UBA3: variants seen among roughly 807,000 people sequenced by gnomAD.
The protein encoded by UBA3 is ubiquitin like modifier activating enzyme 3.
In UBA3, 26 loss-of-function variants were observed where a neutral mutation model predicts 73.5. The observed-to-expected ratio is 0.35, with a 90% CI of 0.26 to 0.49. The LOEUF is 0.49. UBA3 is among the 20% of genes least tolerant of loss of function. The pLI is 0.98. For synonymous variants in UBA3, 217 were observed against 191.2 expected (o/e 1.13, Z -1.11); for missense variants, 495 against 555.6 (o/e 0.89, Z 1.10).
In UBA3 at chr3:69,080,344, C is replaced by T. The variant is rs1219529442; in HGVS notation, c.10G>A (p.Gly4Ser). The T allele has an allele frequency of 3.1e-6, 5 of 1,597,046 alleles. No homozygotes were observed. The Admixed American group carries it at 5.1e-5, about 16-fold the overall frequency. ...AGCCCCGGTACTTACGGCTCCTCGC[C>T]ATCCGCCATATTGTTCTCCGCCTCT... MAD[G>S]EEPEKKRRRI... is the part of the protein sequence containing the mutation. The change falls in exon 1 of 18, where the codon GGC (glycine) becomes AGC (serine). Residue 4 changes from glycine to serine, a missense_variant. Coordinates refer to ENST00000361055, the MANE Select transcript of UBA3 (RefSeq NM_003968.4).
At chr3:69,059,509 A>G (rs565145367) in intron 11 of UBA3, among the ~76,000 whole-genome samples, 10 of 152,314 alleles carry the variant, frequency 6.6e-5, no homozygotes, top group Admixed American at 2.0e-4. Context: ...AAACTGGTTA[A>G]GCAGACACCT....
At position 69,055,410 on chromosome 3, in the gene UBA3, G is replaced by T; in HGVS notation, c.*27C>A. On this transcript the variant is annotated 3_prime_UTR_variant, in exon 18 of 18. Transcript: ENST00000361055. ...CATCCACAAAGTATATTATTTCCAT[G>T]AGTTTTCTATTATGTGGAGATTTTC... is the stretch of plus-strand genomic sequence containing the variant. 1 of 1,380,058 alleles carries T rather than the reference G, an allele frequency of 7.2e-7. No homozygotes were observed. The highest frequency in any genetic ancestry group is 9.7e-7 in the Non-Finnish European group (1 of 1,034,498). The allele number at this position is 1,380,058 out of a possible 1,614,324, so 85.5% of individuals were successfully genotyped here.
At chr3:69,074,050 T>C (rs2092144288) in intron 4 of UBA3, among the ~76,000 whole-genome samples, 1 of 152,200 alleles carries the variant, frequency 6.6e-6, no homozygotes, top group South Asian at 2.1e-4. Flanking sequence ...TTCTTTTGTG[T>C]AAAAGATTAC....
chr3:69,078,902 A>C (rs1365760079), intron 2 of UBA3, among the ~76,000 whole-genome samples: 2 of 152,230 alleles, frequency 1.3e-5, no homozygotes, highest in East Asian at 3.8e-4. Context: ...ACAACAGAAT[A>C]AGGTGGGACT....
chr3:69,063,607 A>C, intron 7 of UBA3, 104 bp from the exon 8 acceptor site: 2 of 945,094 alleles, frequency 2.1e-6, no homozygotes, highest in South Asian at 3.8e-5. Context: ...CTCTGGTGCA[A>C]GATGTTGATT....
intron 2 of UBA3, 97 bp from the exon 3 acceptor site, chr3:69,078,015 C>G: frequency 7.2e-7 from 1 of 1,396,808 alleles, no homozygotes; most frequent in East Asian, 2.5e-5. Flanking sequence ...GTAACCACAC[C>G]AGACCTGCTC....
At chr3:69,071,946 T>C (rs1183610709) in intron 4 of UBA3, among the ~76,000 whole-genome samples, 1 of 152,228 alleles carries the variant, frequency 6.6e-6, no homozygotes, top group Non-Finnish European at 1.5e-5. Flanking sequence ...GATACTTTAA[T>C]TTTACTATGC....
intron 1 of UBA3, 45 bp downstream of exon 1, chr3:69,080,288 CA>C (rs2092208568): frequency 6.2e-7 from 1 of 1,601,320 alleles, no homozygotes; most frequent in East Asian, 2.3e-5. Context: ...CGCGCTCTCT[CA>C]CAACCCAGCC....
chr3:69,072,162 G>C (rs1168055089), intron 4 of UBA3, among the ~76,000 whole-genome samples: 1 of 151,986 alleles, frequency 6.6e-6, no homozygotes, highest in Non-Finnish European at 1.5e-5. Context: ...AGCAGGGAAA[G>C]GCAAAAAACA....
intron 13 of UBA3, 37 bp downstream of exon 13, chr3:69,056,742 A>G: frequency 6.2e-7 from 1 of 1,610,452 alleles, no homozygotes; most frequent in Non-Finnish European, 8.5e-7. Context: ...AAGTCAAAAC[A>G]TAAATTTACA....
At chr3:69,063,824 C>G (rs1295225618) in intron 7 of UBA3, among the ~76,000 whole-genome samples, 1 of 152,068 alleles carries the variant, frequency 6.6e-6, no homozygotes, top group Non-Finnish European at 1.5e-5. Flanking sequence ...ATCCCACATA[C>G]GTTCTCAGAG....
intron 2 of UBA3, 41 bp from the exon 3 acceptor site, chr3:69,077,959 GA>G (rs750763731): frequency 7.5e-6 from 12 of 1,601,792 alleles, no homozygotes; most frequent in Admixed American, 1.7e-5. Context: ...AGATCAGTAT[GA>G]AAAAAACCAC....
chr3:69,077,346 G>C (rs1456633347), intron 3 of UBA3: 4 of 152,706 alleles, frequency 2.6e-5, no homozygotes, highest in Non-Finnish European at 5.8e-5. Flanking sequence ...CCTTAAGATA[G>C]ACACTATCAG....
intron 6 of UBA3, among the ~76,000 whole-genome samples, chr3:69,064,659 C>T (rs1449100126): frequency 1.3e-5 from 2 of 152,070 alleles, no homozygotes; most frequent in Non-Finnish European, 2.9e-5. Flanking sequence ...TCTCATTTAA[C>T]TCAGTTTTCA....
intron 5 of UBA3, 109 bp from the exon 6 acceptor site, chr3:69,068,117 T>C: frequency 2.8e-6 from 2 of 720,468 alleles, no homozygotes; most frequent in Non-Finnish European, 4.2e-6. Flanking sequence ...TATAGGAAAT[T>C]TAGAAGGAAT....
At chr3:69,058,901 A>G (rs921956401) in intron 11 of UBA3, among the ~76,000 whole-genome samples, 3 of 152,220 alleles carry the variant, frequency 2.0e-5, no homozygotes, top group African/African-American at 7.2e-5. Flanking sequence ...CAGCCTAGAA[A>G]GTACACACCA....
At chr3:69,076,737 A>T (rs913525814) in intron 3 of UBA3, among the ~76,000 whole-genome samples, 3 of 150,670 alleles carry the variant, frequency 2.0e-5, no homozygotes, top group Non-Finnish European at 3.0e-5. Context: ...TGCACAGCTA[A>T]TTTTTTTTTC....
At chr3:69,066,317 T>C (rs2092071162) in intron 6 of UBA3, among the ~76,000 whole-genome samples, 1 of 152,154 alleles carries the variant, frequency 6.6e-6, no homozygotes, top group African/African-American at 2.4e-5. Flanking sequence ...TGTAGTGGTA[T>C]GATAAAAGCT....
chr3:69,063,200 G>A, intron 8 of UBA3, 63 bp from the exon 9 acceptor site: 1 of 1,586,298 alleles, frequency 6.3e-7, no homozygotes, highest in Non-Finnish European at 8.6e-7. Flanking sequence ...GAAGAAGTAT[G>A]CTTTCAAGTA....
Sources: allele counts gnomAD v4.1 joint callset (sites outside exome capture counted in the v4.1 genomes callset), GRCh38; gene constraint gnomAD v4.1.1; transcripts MANE v1.5; gene names NCBI Gene and HGNC (gene_info 2026-07-23, HGNC 2026-07-21).